MTSS2: variants seen among roughly 807,000 people sequenced by gnomAD.
The protein encoded by MTSS2 is protein MTSS 2.
In MTSS2, 27 loss-of-function variants were observed where a neutral mutation model predicts 67.1. The ratio of observed to expected loss-of-function variants is 0.40; its 90% CI spans 0.30 to 0.55. The LOEUF (loss-of-function observed/expected upper bound fraction) is 0.55, where lower values mean the gene tolerates loss of function less well. Ranked by LOEUF, MTSS2 falls within the 20% of genes least tolerant of loss-of-function variation. MTSS2 has a pLI of 0.43. For missense variants in MTSS2, 1,171 were observed against 1,067.8 expected (o/e 1.10, Z -1.35); for synonymous variants, 624 against 468.6 (o/e 1.33, Z -4.28).
chr16:70,664,941 G>T lies in MTSS2; in HGVS notation c.1284C>A (p.Ser428=), dbSNP rs1369426976. The T allele has an allele frequency of 6.4e-7, 1 of 1,557,006 alleles. No homozygotes were observed. The highest frequency in any genetic ancestry group is 8.6e-7 in the Non-Finnish European group (1 of 1,157,974). The change falls in exon 13 of 15, where the codon TCC becomes TCA. Residue 428 remains serine (S), a synonymous_variant. Transcript: ENST00000338779. ...SGEEAPRPRM[S]PATIAAKHGE... is the part of the protein sequence containing the mutation. ...CTACCTTGGCTGCGATGGTGGCAGGGGACATCCGGGGTCGCGGTGCCTCTT... is the reference window on the plus strand; with the variant it reads ...CTACCTTGGCTGCGATGGTGGCAGGTGACATCCGGGGTCGCGGTGCCTCTT...
At position 70,674,446 on chromosome 16, in the gene MTSS2, A is replaced by G; in HGVS notation, c.913T>C (p.Cys305Arg). The stretch of plus-strand genomic sequence containing the variant: ...GGCTGCGCCAGGCTGCGGTAGCGAC[A>G]GGTGGAACTGGGTGAGTATGTTTGG... ...GAQTYSPSST[C>R]RYRSLAQPAT... The change falls in exon 11 of 15, where the codon TGT becomes CGT. Residue 305 changes from cysteine (C) to arginine (R), a missense_variant. Physicochemically the swap from Cys to Arg is radical, Grantham distance 180. Coordinates refer to ENST00000338779, the MANE Select transcript of MTSS2 (RefSeq NM_138383.3). 6.2e-7 allele frequency: 1 copy of G among 1,614,192 alleles called. No homozygotes were observed. The highest frequency in any genetic ancestry group is 8.5e-7 in the Non-Finnish European group (1 of 1,180,034).
At chr16:70,684,861 A>G (rs1292822887) in intron 1 of MTSS2, among the ~76,000 whole-genome samples, 2 of 152,086 alleles carry the variant, frequency 1.3e-5, no homozygotes, top group East Asian at 3.9e-4. Flanking sequence ...GAACCCACTA[A>G]TTTTCCCAGG....
At chr16:70,683,593 G>GC (rs1807126558) in intron 1 of MTSS2, among the ~76,000 whole-genome samples, 1 of 152,234 alleles carries the variant, frequency 6.6e-6, no homozygotes, top group Non-Finnish European at 1.5e-5. Context: ...GCAAGTCTCT[G>GC]CCCCTCTCTG....
intron 11 of MTSS2, among the ~76,000 whole-genome samples, chr16:70,673,766 G>A (rs1288069414): frequency 6.6e-6 from 1 of 152,078 alleles, no homozygotes; most frequent in Non-Finnish European, 1.5e-5. Context: ...GTTTGAGAAG[G>A]AGTGGGTGAC....
rs2142835327 is a variant in MTSS2 at position 70,674,325 on chromosome 16, G to A, written c.1034C>T (p.Pro345Leu). 6.2e-7 allele frequency: 1 copy of A among 1,613,820 alleles called. No homozygotes were observed. The highest frequency in any genetic ancestry group is 2.2e-5 in the East Asian group (1 of 44,884). ...ATYSKPPSPMPSDITSQKSSS... is the reference protein window; with the variant it reads ...ATYSKPPSPMLSDITSQKSSS... ...CCTCACCTGGCTGGTGATGTCTGAA[G>A]GCATAGGCGAGGGGGGCTTGGAGTA... The change falls in exon 11 of 15, where the codon CCT becomes CTT. Residue 345 changes from proline (P) to leucine (L), a missense_variant. Coordinates refer to ENST00000338779, the MANE Select transcript of MTSS2 (RefSeq NM_138383.3).
intron 1 of MTSS2, 85 bp from the exon 2 acceptor site, chr16:70,681,110 C>G (rs2053293367): frequency 7.6e-7 from 1 of 1,317,358 alleles, no homozygotes; most frequent in African/African-American, 1.4e-5. Context: ...CATGCTCCAT[C>G]CAGACTTGGG....
chr16:70,680,912 G>GGC (rs759928221), intron 2 of MTSS2, 45 bp from the exon 3 acceptor site: 2 of 1,445,164 alleles, frequency 1.4e-6, no homozygotes, highest in Non-Finnish European at 1.9e-6. Context: ...GTTGGGCGGG[G>GGC]GGGGGGCCTC....
At position 70,663,598 on chromosome 16, in the gene MTSS2, T is replaced by C; in HGVS notation, c.*79A>G. ...CTCTGTCCTCTCTCCTGGCTGGGCC[T>C]TTGCTCTGAGTGCCTGCGGCTCACA... is the stretch of plus-strand genomic sequence containing the variant. On this transcript the variant is annotated 3_prime_UTR_variant, in exon 15 of 15. Transcript: ENST00000338779. 4.1e-6 allele frequency: 6 copies of C among 1,462,926 alleles called. No homozygotes were observed. The South Asian group carries it at 7.2e-5, about 18-fold the overall frequency. 90.6% of individuals were successfully genotyped at this position (1,462,926 alleles called of 1,614,324 possible).
At chr16:70,681,904 T>C (rs1012692480) in intron 1 of MTSS2, among the ~76,000 whole-genome samples, 3 of 152,220 alleles carry the variant, frequency 2.0e-5, no homozygotes, top group African/African-American at 7.2e-5. Flanking sequence ...TTTTGCCCCT[T>C]GACGGGCAGC....
At chr16:70,685,374 CG>C (rs2053420151) in intron 1 of MTSS2, among the ~76,000 whole-genome samples, 1 of 152,260 alleles carries the variant, frequency 6.6e-6, no homozygotes, top group South Asian at 2.1e-4. Flanking sequence ...GGGCGGAGGC[CG>C]GTAAGACCCC....
Position 70,681,024 on chromosome 16 carries a change from C to A in MTSS2, c.71G>T (p.Ser24Ile). Residue 24 changes from serine to isoleucine, a missense_variant and splice_region_variant, in exon 2 of 15, where the codon AGC becomes ATC. By Grantham distance (142) the Ser-to-Ile change is moderately radical. Around this residue, in one of 2 missense-constraint regions of MTSS2, gnomAD observed 247 missense variants for 311.8 expected, o/e 0.79. Coordinates refer to ENST00000338779, the MANE Select transcript of MTSS2 (RefSeq NM_138383.3). Reference sequence around the variant, plus strand: ...GAAGTCCTCCCAGATAGGGTAGGAGCTCTGCCGGGCAAATGGGAGAGAAAG... The same window carrying A: ...GAAGTCCTCCCAGATAGGGTAGGAGATCTGCCGGGCAAATGGGAGAGAAAG... ...LFQAIVNDMK[S>I]SYPIWEDFNS... 6.2e-7 allele frequency: 1 copy of A among 1,608,882 alleles called. No homozygotes were observed. The highest frequency in any genetic ancestry group is 8.5e-7 in the Non-Finnish European group (1 of 1,178,230).
In MTSS2 at chr16:70,663,034, C is replaced by CG. The variant is rs933211338; in HGVS notation, c.*642_*643insC. 4 of 152,298 alleles carry CG rather than the reference C, an allele frequency of 2.6e-5. No homozygotes were observed. The highest frequency in any genetic ancestry group is 5.9e-5 in the Non-Finnish European group (4 of 68,292). 9.4% of individuals were successfully genotyped at this position (152,298 alleles called of 1,614,324 possible). A position where few individuals can be genotyped will look rare whatever the true frequency, so the allele number is the denominator to read the frequency against. On this transcript the variant is annotated 3_prime_UTR_variant, in exon 15 of 15. Transcript: ENST00000338779. ...CACAGGGCCCCCAAGACCCCCCCCC[C>CG]CAAGCAGCCCCTGGTTTCCTCCCTG... is the stretch of plus-strand genomic sequence containing the variant.
rs1466984330 is a variant in MTSS2, at chr16:70,664,072, A to T, written c.1849T>A (p.Phe617Ile). Residue 617 changes from phenylalanine to isoleucine, a missense_variant, in exon 15 of 15, where the codon TTC becomes ATC. Phe to Ile is a conservative substitution (Grantham distance 21). This residue lies in a region of MTSS2 where 924 missense variants were observed against 756.0 expected (regional missense o/e 1.22). Transcript: ENST00000338779. The part of the protein sequence containing the change: ...PTRAGSEECV[F>I]YTDETASPLA... ...GGTGAGGCGGTCTCGTCGGTATAGA[A>T]GACGCACTCCTCACTGCCCGCCCGT... The T allele has an allele frequency of 6.2e-7, 1 of 1,611,604 alleles. No homozygotes were observed. The highest frequency in any genetic ancestry group is 1.3e-5 in the African/African-American group (1 of 74,892).
At position 70,679,668 on chromosome 16, in the gene MTSS2, G is replaced by C; in HGVS notation, c.419C>G (p.Ser140Trp). Residue 140 changes from serine to tryptophan, a missense_variant, in exon 6 of 15, where the codon TCG (serine) becomes TGG (tryptophan). Coordinates refer to ENST00000338779, the MANE Select transcript of MTSS2 (RefSeq NM_138383.3). ...CTTCTGCAGCTTCAGCGTGTCCGAC[G>C]ACTTCTTTTTGATCTCATGCCGGGC... The part of the protein sequence containing the change: ...KRARHEIKKK[S>W]SDTLKLQKKA... 1 of 1,610,878 alleles carries C rather than the reference G, an allele frequency of 6.2e-7. No individual in the cohort carries two copies. The highest frequency in any genetic ancestry group is 8.5e-7 in the Non-Finnish European group (1 of 1,178,722).
intron 11 of MTSS2, among the ~76,000 whole-genome samples, chr16:70,668,794 G>A (rs942178552): frequency 6.6e-6 from 1 of 152,224 alleles, no homozygotes; most frequent in African/African-American, 2.4e-5. Flanking sequence ...GAACCACAAA[G>A]TGGGTCCTCA....
intron 12 of MTSS2, 125 bp downstream of exon 12, chr16:70,665,341 A>G: frequency 9.3e-7 from 1 of 1,072,068 alleles, no homozygotes; most frequent in Non-Finnish European, 1.3e-6. Flanking sequence ...TCTTGGGGAC[A>G]GGTGCTGTGT....
intron 8 of MTSS2, 76 bp downstream of exon 8, chr16:70,678,176 G>T: frequency 6.6e-7 from 1 of 1,505,070 alleles, no homozygotes; most frequent in South Asian, 1.3e-5. Context: ...GCTGAGAAGT[G>T]ACCCTTCTTG....
At chr16:70,676,480 G>T (rs867248893) in intron 10 of MTSS2, among the ~76,000 whole-genome samples, 126 of 152,352 alleles carry the variant, frequency 8.3e-4, no homozygotes, top group African/African-American at 8.7e-4. Flanking sequence ...ACCCCACACG[G>T]TGCTAGGCCT....
intron 2 of MTSS2, 46 bp from the exon 3 acceptor site, chr16:70,680,913 G>GGT: frequency 1.4e-6 from 2 of 1,393,064 alleles, no homozygotes; most frequent in Non-Finnish European, 2.0e-6. Flanking sequence ...TTGGGCGGGG[G>GGT]GGGGGCCTCT....
Sources: gnomAD v4.1 joint callset for allele counts (sites outside exome capture counted in the v4.1 genomes callset) on GRCh38, gnomAD v4.1.1 for gene constraint, gnomAD v4.1.1 regional missense constraint, MANE v1.5 for transcripts, NCBI Gene and HGNC (gene_info 2026-07-23, HGNC 2026-07-21) for gene names.